Variants in SYNE2 observed in about 807,000 individuals in gnomAD.
The protein encoded by SYNE2 is spectrin repeat containing nuclear envelope protein 2.
SYNE2 carries 431 observed loss-of-function variants against 856.3 expected under a neutral mutation model. The ratio of observed to expected loss-of-function variants is 0.50; its 90% CI spans 0.47 to 0.55. The LOEUF is 0.55. Among genes scored for constraint, SYNE2 ranks in the 20% least tolerant of loss-of-function variants. The pLI is 0.00. For synonymous variants in SYNE2, 2,923 were observed against 2,872.3 expected (o/e 1.02, Z -0.56); for missense variants, 8,129 against 8,023.2 (o/e 1.01, Z -0.50).
chr14:63,939,157 G>T (rs2095869414), intron 2 of SYNE2, among the ~76,000 whole-genome samples: 1 of 152,074 alleles, frequency 6.6e-6, no homozygotes, highest in Non-Finnish European at 1.5e-5. Context: ...GTGGGGAGAT[G>T]GAAGCTCAGT....
chr14:64,041,049 A>T (rs1357211061), intron 45 of SYNE2, among the ~76,000 whole-genome samples: 1 of 152,172 alleles, frequency 6.6e-6, no homozygotes, highest in African/African-American at 2.4e-5. Flanking sequence ...GGCAGTGCAA[A>T]TAAGTTCTTC....
intron 8 of SYNE2, 138 bp from the exon 9 acceptor site, chr14:63,961,387 A>G: frequency 1.4e-6 from 1 of 720,122 alleles, no homozygotes; most frequent in South Asian, 1.5e-5. Flanking sequence ...GTAAACAGAG[A>G]TTGGATGGCT....
At chr14:64,102,315 C>G (rs1330249356) in intron 64 of SYNE2, among the ~76,000 whole-genome samples, 1 of 152,102 alleles carries the variant, frequency 6.6e-6, no homozygotes, top group Non-Finnish European at 1.5e-5. Context: ...CGGGGTTTCG[C>G]CATGTTGCCT....
At chr14:64,089,736 CTTA>C (rs753381245) in intron 59 of SYNE2, 40 bp downstream of exon 59, 119 of 1,436,010 alleles carry the variant, frequency 8.3e-5, no homozygotes, top group Middle Eastern at 2.2e-4. Flanking sequence ...TCTTATGATA[CTTA>C]TTATGTCTTT....
intron 15 of SYNE2, 84 bp from the exon 16 acceptor site, chr14:63,980,902 G>A: frequency 8.9e-7 from 1 of 1,128,282 alleles, no homozygotes; most frequent in Non-Finnish European, 1.3e-6. Flanking sequence ...TTTTGCCGCT[G>A]TCAATTAATA....
intron 56 of SYNE2, 86 bp from the exon 57 acceptor site, chr14:64,081,357 C>CT: frequency 6.4e-7 from 1 of 1,564,734 alleles, no homozygotes; most frequent in Non-Finnish European, 8.8e-7. Context: ...ACACCCCTGA[C>CT]TAACAGCTAT....
At position 63,952,063 on chromosome 14, in the gene SYNE2, A is replaced by G. The variant is rs550340278; in HGVS notation, c.590+2057A>G. On this transcript the variant is annotated intron_variant, in intron 7 of 115. Coordinates refer to ENST00000555002, the MANE Select transcript of SYNE2 (RefSeq NM_182914.3). ...GTTTCAATATTTGTGTTTCATTTCA[A>G]TAAGACTGTTTTGTAAGTAATATGT... 3.3e-5 allele frequency among the ~76,000 whole-genome samples: 5 copies of G among 152,358 alleles called. No homozygotes were observed. In the East Asian group the frequency reaches 9.6e-4, roughly 29 times the overall value.
intron 61 of SYNE2, 35 bp from the exon 62 acceptor site, chr14:64,097,914 C>A (rs372362123): frequency 1.7e-5 from 27 of 1,611,342 alleles, no homozygotes; most frequent in Middle Eastern, 1.6e-4. Context: ...AGGCCTCAGA[C>A]TTCTCAAACC....
At chr14:63,978,138 C>A in intron 13 of SYNE2, 121 bp downstream of exon 13, 1 of 740,144 alleles carries the variant, frequency 1.4e-6, no homozygotes, top group Non-Finnish European at 2.4e-6. Flanking sequence ...TCCTTTAAAT[C>A]TTGATAACAG....
At chr14:64,119,401 A>G in intron 66 of SYNE2, 26 bp from the exon 67 acceptor site, 1 of 1,613,598 alleles carries the variant, frequency 6.2e-7, no homozygotes, top group Non-Finnish European at 8.5e-7. Flanking sequence ...CAACATTATG[A>G]ATAATTAAAT....
rs10673123 is a variant in SYNE2, at chr14:63,919,972, G to GTTTTTTTTTTTT, written c.79+10753_79+10764dup. On this transcript the variant is annotated intron_variant, in intron 2 of 115. Transcript: ENST00000555002. ...ATATCAGGCACATGATAAAAGGTAA[G>GTTTTTTTTTTTT]TTTTTTTTTTTTTTTTTTTAAGGTA... Among the ~76,000 whole-genome samples, 1,009 of 110,358 alleles carry GTTTTTTTTTTTT rather than the reference G, an allele frequency of 9.1e-3. 47 individuals are homozygous for GTTTTTTTTTTTT. Among genetic ancestry groups the GTTTTTTTTTTTT allele is most frequent in the African/African-American group, 0.023 (607 of 26,060 alleles). The allele number at this position is 110,358 out of a possible 152,430, so 72.4% of individuals were successfully genotyped here.
intron 1 of SYNE2, among the ~76,000 whole-genome samples, chr14:63,823,580 A>C (rs1286839762): frequency 6.6e-6 from 1 of 151,920 alleles, no homozygotes; most frequent in African/African-American, 2.4e-5. Flanking sequence ...TGCCAGTATT[A>C]TACTGTTATC....
At position 64,146,078 on chromosome 14, in the gene SYNE2, T is replaced by G; in HGVS notation, c.15494T>G (p.Leu5165Ter). 1 of 1,580,918 alleles carries G rather than the reference T, an allele frequency of 6.3e-7. No individual in the cohort carries two copies. The highest frequency in any genetic ancestry group is 8.6e-7 in the Non-Finnish European group (1 of 1,157,898). The change falls in exon 84 of 116, where the codon TTA becomes TGA. Residue 5165 changes from leucine (L) to a stop codon, truncating the protein, a stop_gained. Transcript: ENST00000555002. LOFTEE classifies it high-confidence loss of function. ...TTTACATTCACTTAGATACAACATT[T>G]AGAACAACTTCTAGAAAGTATCACT... ...HGMLNRKIQH[L>*]EQLLESITES...
chr14:64,065,388 C>T (rs754558027), intron 50 of SYNE2, 44 bp from the exon 51 acceptor site: 9 of 1,548,300 alleles, frequency 5.8e-6, no homozygotes, highest in Non-Finnish European at 8.0e-6. Context: ...TCAGGAAAAC[C>T]ATAATAGTAT....
At chr14:63,784,017 G>A (rs1887421951) in intron 1 of SYNE2, among the ~76,000 whole-genome samples, 1 of 152,090 alleles carries the variant, frequency 6.6e-6, no homozygotes, top group African/African-American at 2.4e-5. Flanking sequence ...TCTATACCTG[G>A]TAACAACTTA....
intron 99 of SYNE2, among the ~76,000 whole-genome samples, chr14:64,193,903 C>A (rs2098529338): frequency 6.6e-6 from 1 of 152,200 alleles, no homozygotes; most frequent in Non-Finnish European, 1.5e-5. Context: ...AGGGAAACTG[C>A]AGCTCAGAGA....
At chr14:64,068,254 C>G (rs1378511570) in intron 51 of SYNE2, among the ~76,000 whole-genome samples, 1 of 152,134 alleles carries the variant, frequency 6.6e-6, no homozygotes, top group Non-Finnish European at 1.5e-5. Context: ...TTCTGTCACC[C>G]TAGAAGTTTC....
intron 100 of SYNE2, among the ~76,000 whole-genome samples, chr14:64,207,078 C>T (rs2140092876): frequency 6.6e-6 from 1 of 152,312 alleles, no homozygotes; most frequent in South Asian, 2.1e-4. Context: ...AAAGAAATCA[C>T]CCTGCACATT....
intron 11 of SYNE2, 115 bp downstream of exon 11, chr14:63,967,961 G>A: frequency 2.0e-6 from 2 of 993,804 alleles, no homozygotes; most frequent in South Asian, 2.6e-5. Flanking sequence ...TCAGGAGTTT[G>A]ATAGCAGCCT....
Sources: gnomAD v4.1 joint callset for allele counts (sites outside exome capture counted in the v4.1 genomes callset) on GRCh38, gnomAD v4.1.1 for gene constraint, MANE v1.5 for transcripts, NCBI Gene and HGNC (gene_info 2026-07-23, HGNC 2026-07-21) for gene names.